VDAC1: variants seen among roughly 807,000 people sequenced by gnomAD.
VDAC1 encodes the protein voltage dependent anion channel 1, also known as non-selective voltage-gated ion channel VDAC1.
In VDAC1, 10 loss-of-function variants were observed where a neutral mutation model predicts 34.7. The observed-to-expected ratio is 0.29, with a 90% CI of 0.18 to 0.49. The LOEUF (loss-of-function observed/expected upper bound fraction) is 0.49, where lower values mean the gene tolerates loss of function less well. Ranked by LOEUF, VDAC1 falls within the 20% of genes least tolerant of loss-of-function variation. VDAC1 has a pLI of 0.99. For synonymous variants in VDAC1, 130 were observed against 136.0 expected (o/e 0.96, Z 0.30); for missense variants, 230 against 347.9 (o/e 0.66, Z 2.69).
chr5:134,097,239 A>G, the VDAC1 span, among the ~76,000 whole-genome samples: 1 of 152,218 alleles, frequency 6.6e-6, no homozygotes, highest in Non-Finnish European at 1.5e-5. Context: ...TCATTATTTA[A>G]CCTCAGAACT....
intron 5 of VDAC1, among the ~76,000 whole-genome samples, chr5:133,984,419 CGTGT>C (rs70976506): frequency 0.28 from 33,728 of 121,044 alleles, 5,136 homozygotes; most frequent in South Asian, 0.47. Flanking sequence ...CAATGACCAG[CGTGT>C]GTGTGTGTGT....
the VDAC1 span, among the ~76,000 whole-genome samples, chr5:134,087,851 C>A: frequency 2.3e-5 from 3 of 133,138 alleles, no homozygotes; most frequent in Non-Finnish European, 3.1e-5. Context: ...GTGAGTGAGA[C>A]CCTAAAAAAC....
intron 4 of VDAC1, 22 bp downstream of exon 4, chr5:133,990,980 A>T: frequency 6.2e-7 from 1 of 1,612,844 alleles, no homozygotes; most frequent in Non-Finnish European, 8.5e-7. Context: ...ATAAATCCAC[A>T]TCTTTTCACA....
At chr5:134,105,024 T>C in the VDAC1 span, among the ~76,000 whole-genome samples, 478 of 152,298 alleles carry the variant, frequency 3.1e-3, 4 homozygotes, top group Non-Finnish European at 5.3e-3. Context: ...GACAGTGACT[T>C]GGACCCATCT....
At chr5:134,075,653 G>A in the VDAC1 span, among the ~76,000 whole-genome samples, 4 of 151,998 alleles carry the variant, frequency 2.6e-5, no homozygotes, top group African/African-American at 9.7e-5. Context: ...GCGCAATCTC[G>A]GCTCACTGCA....
At chr5:134,037,189 A>G in the VDAC1 span, among the ~76,000 whole-genome samples, 1 of 152,186 alleles carries the variant, frequency 6.6e-6, no homozygotes, top group Non-Finnish European at 1.5e-5. Context: ...AACGAGGCCC[A>G]ATAAAGCAAC....
chr5:134,057,541 A>C, the VDAC1 span, among the ~76,000 whole-genome samples: 3 of 107,700 alleles, frequency 2.8e-5, no homozygotes, highest in Non-Finnish European at 6.1e-5. Flanking sequence ...ATATCTATAT[A>C]AGCCAAGTGT....
the VDAC1 span, among the ~76,000 whole-genome samples, chr5:134,052,987 C>T: frequency 2.6e-5 from 4 of 152,024 alleles, no homozygotes; most frequent in African/African-American, 7.2e-5. Flanking sequence ...TGGTGGTGCA[C>T]GCCTGTAATC....
chr5:134,112,982 G>A, the VDAC1 span, among the ~76,000 whole-genome samples: 12 of 152,150 alleles, frequency 7.9e-5, no homozygotes, highest in African/African-American at 2.9e-4. Flanking sequence ...CATTGGGTTG[G>A]GCAGATCCGG....
the VDAC1 span, among the ~76,000 whole-genome samples, chr5:134,066,768 G>A: frequency 1.3e-5 from 2 of 152,120 alleles, no homozygotes; most frequent in African/African-American, 4.8e-5. Context: ...ATTAGAAGAG[G>A]AAAAGGAGAA....
At chr5:134,071,646 G>A in the VDAC1 span, among the ~76,000 whole-genome samples, 1 of 152,258 alleles carries the variant, frequency 6.6e-6, no homozygotes, top group Non-Finnish European at 1.5e-5. This position sits in a 1 kb window ranked among gnomAD's most constrained non-coding sequence, Gnocchi z 4.1. Context: ...TGAGGGGTGA[G>A]TGTCTTGAAA....
At chr5:134,019,826 A>G in the VDAC1 span, among the ~76,000 whole-genome samples, 8 of 152,104 alleles carry the variant, frequency 5.3e-5, no homozygotes, top group African/African-American at 1.9e-4. Flanking sequence ...CACACTGCCT[A>G]TGTGCTCTTA....
chr5:134,027,081 C>T, the VDAC1 span, among the ~76,000 whole-genome samples: 4 of 152,122 alleles, frequency 2.6e-5, no homozygotes, highest in Non-Finnish European at 5.9e-5. Context: ...CAGGTGGTGG[C>T]CAGGGGTGAT....
At chr5:133,975,297 C>T (rs1357828974) in intron 7 of VDAC1, among the ~76,000 whole-genome samples, 1 of 151,898 alleles carries the variant, frequency 6.6e-6, no homozygotes, top group East Asian at 1.9e-4. Context: ...ATTAAAAAAC[C>T]AAAGCACCTA....
chr5:133,983,409 G>A (rs544680659), intron 5 of VDAC1, among the ~76,000 whole-genome samples: 5 of 152,118 alleles, frequency 3.3e-5, no homozygotes, highest in South Asian at 4.1e-4. Context: ...TAGTATGTGC[G>A]TGGAGGAGTG....
At chr5:134,102,011 A>G in the VDAC1 span, among the ~76,000 whole-genome samples, 10 of 152,346 alleles carry the variant, frequency 6.6e-5, 1 homozygote, top group South Asian at 2.1e-3. Context: ...GACTGGAACG[A>G]GACTGCATGC....
chr5:134,006,092 G>T (rs1275095651), upstream of VDAC1, among the ~76,000 whole-genome samples: 1 of 152,198 alleles, frequency 6.6e-6, no homozygotes, highest in Non-Finnish European at 1.5e-5. Flanking sequence ...TACAGAGTGG[G>T]AGTGGGGTGC....
At chr5:133,982,827 T>G (rs1316255261) in intron 5 of VDAC1, among the ~76,000 whole-genome samples, 3 of 142,968 alleles carry the variant, frequency 2.1e-5, no homozygotes, top group Non-Finnish European at 4.6e-5. Flanking sequence ...GAGGTGGAGG[T>G]TGCAGTGAGC....
the VDAC1 span, among the ~76,000 whole-genome samples, chr5:134,017,257 A>G: frequency 6.6e-6 from 1 of 151,962 alleles, no homozygotes; most frequent in African/African-American, 2.4e-5. Flanking sequence ...ACCTGAGGTC[A>G]GGAGTTCGAG....
Sources: gnomAD v4.1 joint callset for allele counts (sites outside exome capture counted in the v4.1 genomes callset) on GRCh38, gnomAD v4.1.1 for gene constraint, Gnocchi (gnomAD v3.1) non-coding constraint, MANE v1.5 for transcripts, NCBI Gene and HGNC (gene_info 2026-07-23, HGNC 2026-07-21) for gene names.